Variants in WDFY2 observed in about 807,000 individuals in gnomAD.
WDFY2 encodes the protein WD repeat and FYVE domain containing 2.
A neutral mutation model predicts 56.4 loss-of-function variants in WDFY2; 36 were observed. The observed-to-expected ratio is 0.64, with a 90% CI of 0.49 to 0.84. WDFY2 has a LOEUF of 0.84. Ranked by LOEUF, WDFY2 falls within the 40% of genes least tolerant of loss-of-function variation. WDFY2 has a pLI of 0.00. For missense variants in WDFY2, 444 were observed against 512.2 expected (o/e 0.87, Z 1.29); for synonymous variants, 176 against 183.7 (o/e 0.96, Z 0.34).
At chr13:51,642,709 T>A (rs1361839450) in intron 1 of WDFY2, among the ~76,000 whole-genome samples, 1 of 117,226 alleles carries the variant, frequency 8.5e-6, no homozygotes, top group African/African-American at 3.4e-5. Context: ...TGAGACGGAG[T>A]CTCACTCTGT....
At chr13:51,670,307 C>T (rs1240770264) in intron 2 of WDFY2, among the ~76,000 whole-genome samples, 1 of 152,114 alleles carries the variant, frequency 6.6e-6, no homozygotes, top group African/African-American at 2.4e-5. Context: ...GTTTACTCCT[C>T]TGATCCATAA....
chr13:51,737,551 T>TAAAAAAAAAAAAAAA (rs67418551), intron 6 of WDFY2, among the ~76,000 whole-genome samples: 1 of 53,240 alleles, frequency 1.9e-5, no homozygotes, highest in Non-Finnish European at 3.2e-5. Flanking sequence ...ACAATGAATT[T>TAAAAAAAAAAAAAAA]AAAAAAAAAA....
At chr13:51,620,761 G>A (rs1346815784) in intron 1 of WDFY2, among the ~76,000 whole-genome samples, 1 of 152,142 alleles carries the variant, frequency 6.6e-6, no homozygotes, top group African/African-American at 2.4e-5. Context: ...TGGCCTGTGA[G>A]GCAGTCTTTC....
At chr13:51,601,486 C>T (rs950219800) in intron 1 of WDFY2, among the ~76,000 whole-genome samples, 7 of 151,730 alleles carry the variant, frequency 4.6e-5, no homozygotes, top group African/African-American at 1.5e-4. Flanking sequence ...GCAATCTTGG[C>T]TCACTGCAAC....
At chr13:51,658,562 G>A (rs145092913) in intron 1 of WDFY2, among the ~76,000 whole-genome samples, 3 of 152,300 alleles carry the variant, frequency 2.0e-5, no homozygotes, top group Non-Finnish European at 4.4e-5. Context: ...TTAGTGGAGG[G>A]ACTGATTTTG....
chr13:51,759,538 A>G (rs1364567535), intron 11 of WDFY2, among the ~76,000 whole-genome samples: 2 of 152,206 alleles, frequency 1.3e-5, no homozygotes, highest in East Asian at 3.8e-4. Flanking sequence ...CTGCATCAAA[A>G]TTTCAAGCTG....
At position 51,715,791 on chromosome 13, in the gene WDFY2, C is replaced by T. The variant is rs547608718; in HGVS notation, c.335-3407C>T. On this transcript the variant is annotated intron_variant, in intron 4 of 11. Transcript: ENST00000298125. ...GGGTTTGTTTTCACCAGCATCACCACAGACAGGTGAGTAATGCATTGTGCT... is the reference window on the plus strand; with the variant it reads ...GGGTTTGTTTTCACCAGCATCACCATAGACAGGTGAGTAATGCATTGTGCT... 3.3e-5 allele frequency among the ~76,000 whole-genome samples: 5 copies of T among 152,296 alleles called. No individual in the cohort carries two copies. The East Asian group carries it at 7.7e-4, about 23-fold the overall frequency.
chr13:51,697,327 A>T (rs1365741173), intron 3 of WDFY2, among the ~76,000 whole-genome samples: 1 of 152,194 alleles, frequency 6.6e-6, no homozygotes, highest in Non-Finnish European at 1.5e-5. Flanking sequence ...ATAATAAAAC[A>T]TTGGTGTCTT....
chr13:51,735,446 T>C lies in WDFY2; in HGVS notation c.599-3603T>C, dbSNP rs376647758. 9.2e-5 allele frequency among the ~76,000 whole-genome samples: 14 copies of C among 152,210 alleles called. No individual in the cohort carries two copies. The East Asian group carries it at 2.7e-3, about 29-fold the overall frequency. ...TGGAACTTCACCTGGATTGAAGGTG[T>C]TGGGAAGGCTTCCTGGAGGGAGAAA... On this transcript the variant is annotated intron_variant, in intron 6 of 11. Transcript: ENST00000298125.
chr13:51,593,148 A>G (rs1954083198), intron 1 of WDFY2, among the ~76,000 whole-genome samples: 2 of 152,178 alleles, frequency 1.3e-5, no homozygotes, highest in Admixed American at 6.5e-5. Flanking sequence ...GCACCTACCT[A>G]GATTTTAACC....
intron 8 of WDFY2, among the ~76,000 whole-genome samples, chr13:51,752,296 T>C (rs1214485953): frequency 6.6e-6 from 1 of 152,216 alleles, no homozygotes; most frequent in African/African-American, 2.4e-5. Context: ...CCATGGGACT[T>C]CTATTAGTAA....
rs929585385 is a variant in WDFY2, at chr13:51,759,948, G to A, written c.*179G>A. 1.0e-5 allele frequency: 6 copies of A among 579,412 alleles called. No individual in the cohort carries two copies. The highest frequency in any genetic ancestry group is 2.8e-5 in the East Asian group (1 of 35,784). 35.9% of individuals were successfully genotyped at this position (579,412 alleles called of 1,614,324 possible). ...ACCTGGCCAGTGAGCACTCGCAAGG[G>A]GACTCTTCCAACTTGTTCATACAAT... On this transcript the variant is annotated 3_prime_UTR_variant, in exon 12 of 12. Coordinates refer to ENST00000298125, the MANE Select transcript of WDFY2 (RefSeq NM_052950.4).
intron 2 of WDFY2, among the ~76,000 whole-genome samples, chr13:51,664,588 T>A (rs1246217181): frequency 6.6e-6 from 1 of 152,224 alleles, no homozygotes; most frequent in African/African-American, 2.4e-5. Context: ...CCTGGCTGTG[T>A]TCTGCCTTTG....
In WDFY2 at chr13:51,620,683, T is replaced by C. The variant is rs140380957; in HGVS notation, c.137+35859T>C. Among the ~76,000 whole-genome samples, 193 of 152,184 alleles carry C rather than the reference T, an allele frequency of 1.3e-3. 3 individuals carry two copies. The East Asian group carries it at 0.03, about 23-fold the overall frequency. On this transcript the variant is annotated intron_variant, in intron 1 of 11. Coordinates refer to ENST00000298125, the MANE Select transcript of WDFY2 (RefSeq NM_052950.4). ...ACAGAGGAAGGATACACTCTAGCCA[T>C]TGTTCTCTCTGACTTTGCTGTAGCA... is the stretch of plus-strand genomic sequence containing the variant.
chr13:51,745,693 C>A (rs73199742), intron 7 of WDFY2, among the ~76,000 whole-genome samples: 1 of 148,712 alleles, frequency 6.7e-6, no homozygotes, highest in South Asian at 2.1e-4. Flanking sequence ...GTGCTTCCCC[C>A]CTCCTCCCCT....
At chr13:51,755,685 T>G (rs1953357737) in intron 9 of WDFY2, among the ~76,000 whole-genome samples, 2 of 152,184 alleles carry the variant, frequency 1.3e-5, no homozygotes, top group Admixed American at 1.3e-4. Context: ...GGATGTGATT[T>G]TAGAATTCTG....
At chr13:51,724,770 A>G (rs993833670) in intron 5 of WDFY2, among the ~76,000 whole-genome samples, 4 of 152,196 alleles carry the variant, frequency 2.6e-5, no homozygotes, top group South Asian at 2.1e-4. Flanking sequence ...TGTACATTCT[A>G]TGGATTTGGA....
intron 1 of WDFY2, among the ~76,000 whole-genome samples, chr13:51,624,426 C>T (rs1313992844): frequency 6.6e-6 from 1 of 152,192 alleles, no homozygotes; most frequent in Admixed American, 6.5e-5. Context: ...TATTATCAGA[C>T]CACTTTCACT....
chr13:51,625,032 G>A (rs1015565075), intron 1 of WDFY2, among the ~76,000 whole-genome samples: 1 of 152,186 alleles, frequency 6.6e-6, no homozygotes, highest in African/African-American at 2.4e-5. Flanking sequence ...ATCAAGATTG[G>A]GATTTCACTC....
Sources: allele counts gnomAD v4.1 joint callset (sites outside exome capture counted in the v4.1 genomes callset), GRCh38; gene constraint gnomAD v4.1.1; transcripts MANE v1.5; gene names NCBI Gene and HGNC (gene_info 2026-07-23, HGNC 2026-07-21).